Variants in CFAP77 observed in about 807,000 individuals in gnomAD.
The protein encoded by CFAP77 is cilia and flagella associated protein 77, also known as cilia- and flagella-associated protein 77.
In CFAP77, 25 loss-of-function variants were observed where a neutral mutation model predicts 31.1. The ratio of observed to expected loss-of-function variants is 0.80; its 90% CI spans 0.59 to 1.12. CFAP77 has a LOEUF of 1.12. CFAP77 is among the 50% of genes most tolerant of loss of function. The pLI is 0.00. For missense variants in CFAP77, 377 were observed against 397.3 expected, an observed-to-expected ratio of 0.95 and a Z score of 0.44; for synonymous variants, 151 against 159.9, an observed-to-expected ratio of 0.94 and a Z score of 0.42.
At chr9:132,534,744 C>G (rs541538186) in intron 3 of CFAP77, among the ~76,000 whole-genome samples, 1 of 152,292 alleles carries the variant, frequency 6.6e-6, no homozygotes, top group South Asian at 2.1e-4. Context: ...CCAGCAACCT[C>G]CAAACTGCAC....
intron 3 of CFAP77, among the ~76,000 whole-genome samples, chr9:132,522,041 C>T (rs543526266): frequency 6.6e-5 from 10 of 152,086 alleles, no homozygotes; most frequent in Non-Finnish European, 1.3e-4. Flanking sequence ...GGATTACAGG[C>T]GTGAGCCACT....
chr9:132,446,871 A>T (rs1332154998), intron 1 of CFAP77, among the ~76,000 whole-genome samples: 1 of 151,898 alleles, frequency 6.6e-6, no homozygotes, highest in Non-Finnish European at 1.5e-5. Context: ...GCCCTGTGAG[A>T]TAGGAATCAG....
chr9:132,572,810 C>T lies in CFAP77; in HGVS notation c.*300C>T, dbSNP rs865800480. The stretch of plus-strand genomic sequence containing the variant: ...CAAGCCCTCACCTGCCAAGACAAGC[C>T]CAAATTACAAGACAATTTTTTAGAC... On this transcript the variant is annotated 3_prime_UTR_variant, in exon 6 of 6. Coordinates refer to ENST00000393216, the MANE Select transcript of CFAP77 (RefSeq NM_001282957.2). 45 of 406,526 alleles carry T rather than the reference C, an allele frequency of 1.1e-4. 1 individual carries two copies. Among genetic ancestry groups the T allele is most frequent in the Middle Eastern group, 1.2e-3 (2 of 1,656 alleles). 25.2% of individuals were successfully genotyped at this position (406,526 alleles called of 1,614,324 possible). A position where few individuals can be genotyped will look rare whatever the true frequency, so the allele number is the denominator to read the frequency against.
At chr9:132,414,228 C>G (rs1850058872) in intron 1 of CFAP77, among the ~76,000 whole-genome samples, 1 of 152,212 alleles carries the variant, frequency 6.6e-6, no homozygotes, top group African/African-American at 2.4e-5. Context: ...GTGAGCTCTA[C>G]TGATTTCTTA....
At position 132,554,466 on chromosome 9, in the gene CFAP77, G is replaced by A. The variant is rs1326634806; in HGVS notation, c.732+11419G>A. ...ATCCCCCACCTCAGCCTCCCAAGTAGTTGGGACTACAGGTGCACACCACCA... is the reference window on the plus strand; with the variant it reads ...ATCCCCCACCTCAGCCTCCCAAGTAATTGGGACTACAGGTGCACACCACCA... On this transcript the variant is annotated intron_variant, in intron 5 of 5. Coordinates refer to ENST00000393216, the MANE Select transcript of CFAP77 (RefSeq NM_001282957.2). This position sits in a 1 kb window ranked among gnomAD's most constrained non-coding sequence, Gnocchi z 4.1. Among the ~76,000 whole-genome samples, 2 of 152,008 alleles carry A rather than the reference G, an allele frequency of 1.3e-5. No individual in the cohort carries two copies. Among genetic ancestry groups the A allele is most frequent in the East Asian group, 3.9e-4 (2 of 5,194 alleles).
rs573971774 is a variant in CFAP77 at position 132,465,537 on chromosome 9, C to T, written c.196-33158C>T. On this transcript the variant is annotated intron_variant, in intron 1 of 5. Coordinates refer to ENST00000393216, the MANE Select transcript of CFAP77 (RefSeq NM_001282957.2). ...CACGTGTGCAGGGGAAATGCCTGCACTTGTAGCCGTTGGTATGTGTGCCCA... is the reference window on the plus strand; with the variant it reads ...CACGTGTGCAGGGGAAATGCCTGCATTTGTAGCCGTTGGTATGTGTGCCCA... Among the ~76,000 whole-genome samples, 12 of 152,230 alleles carry T rather than the reference C, an allele frequency of 7.9e-5. No individual in the cohort carries two copies. The South Asian group carries it at 1.5e-3, about 18-fold the overall frequency.
intron 3 of CFAP77, among the ~76,000 whole-genome samples, chr9:132,500,195 C>G (rs479304): frequency 0.62 from 93,852 of 150,234 alleles, 30,447 homozygotes; most frequent in East Asian, 0.82. Context: ...CATGGAGTGA[C>G]AGATGGGAGA....
At chr9:132,546,104 A>G (rs757529575) in intron 5 of CFAP77, among the ~76,000 whole-genome samples, 4 of 152,204 alleles carry the variant, frequency 2.6e-5, no homozygotes, top group Non-Finnish European at 5.9e-5. Flanking sequence ...TGTGGAATGA[A>G]TGAATGAGGG....
intron 3 of CFAP77, among the ~76,000 whole-genome samples, chr9:132,533,423 A>G (rs1030310302): frequency 6.7e-6 from 1 of 149,556 alleles, no homozygotes; most frequent in Non-Finnish European, 1.5e-5. Flanking sequence ...GGCCAGAAGC[A>G]TGAAACAGGA....
chr9:132,418,663 A>G (rs760530429), intron 1 of CFAP77, among the ~76,000 whole-genome samples: 4 of 152,094 alleles, frequency 2.6e-5, no homozygotes, highest in African/African-American at 9.7e-5. Flanking sequence ...AGCCTCACCC[A>G]TGTTGTCGTT....
At chr9:132,468,377 A>G (rs1054536304) in intron 1 of CFAP77, among the ~76,000 whole-genome samples, 8 of 152,112 alleles carry the variant, frequency 5.3e-5, no homozygotes, top group Non-Finnish European at 1.0e-4. Flanking sequence ...AGAACCCTTC[A>G]AACAGGCCAC....
At chr9:132,437,255 T>C (rs1418945482) in intron 1 of CFAP77, among the ~76,000 whole-genome samples, 1 of 152,224 alleles carries the variant, frequency 6.6e-6, no homozygotes, top group African/African-American at 2.4e-5. Context: ...TTTATAACCT[T>C]ACTCTGCAAT....
At chr9:132,411,646 T>TGGACAGGCA (rs1243876269) in intron 1 of CFAP77, among the ~76,000 whole-genome samples, 12 of 152,054 alleles carry the variant, frequency 7.9e-5, no homozygotes, top group African/African-American at 2.9e-4. Context: ...CCACTCTGAG[T>TGGACAGGCA]GGACAGGCAG....
At chr9:132,473,190 G>A (rs546635) in intron 1 of CFAP77, among the ~76,000 whole-genome samples, 71,608 of 151,876 alleles carry the variant, frequency 0.47, 16,957 homozygotes, top group Admixed American at 0.55. Context: ...CCTAAGGGAC[G>A]CATTAATCTG....
intron 1 of CFAP77, among the ~76,000 whole-genome samples, chr9:132,482,980 C>T (rs1421992798): frequency 1.4e-5 from 2 of 145,152 alleles, no homozygotes; most frequent in Non-Finnish European, 3.0e-5. Context: ...AAAAAGAACG[C>T]ACCCTTCCAG....
intron 5 of CFAP77, among the ~76,000 whole-genome samples, chr9:132,544,732 G>A (rs7859389): frequency 0.041 from 6,237 of 152,154 alleles, 435 homozygotes; most frequent in African/African-American, 0.14. Flanking sequence ...TTGGCCTTAA[G>A]TGATCCTCCT....
Position 132,513,926 on chromosome 9 carries a change from T to C in CFAP77, c.524+14326T>C, listed in dbSNP as rs879903339. 3.0e-3 allele frequency among the ~76,000 whole-genome samples: 351 copies of C among 115,294 alleles called. 5 individuals carry two copies. Among genetic ancestry groups the C allele is most frequent in the African/African-American group, 3.7e-3 (116 of 31,000 alleles). The allele number at this position is 115,294 out of a possible 152,430, so 75.6% of individuals were successfully genotyped here. ...ACGGGTGACTGTGAGGAGATGACCC[T>C]TCCCCTGTACCCCTGACCACAGATG... is the stretch of plus-strand genomic sequence containing the variant. On this transcript the variant is annotated intron_variant, in intron 3 of 5. Transcript: ENST00000393216.
rs188692945 is a variant in CFAP77, at chr9:132,419,739, A to G, written c.195+9273A>G. Among the ~76,000 whole-genome samples, 136 of 152,286 alleles carry G rather than the reference A, an allele frequency of 8.9e-4. 1 individual carries two copies. The highest frequency in any genetic ancestry group is 1.2e-3 in the East Asian group (6 of 5,188). On this transcript the variant is annotated intron_variant, in intron 1 of 5. Transcript: ENST00000393216. ...CTAATGAACCCATCAGCCAAAGAGC[A>G]AATATTTATTGAACACCTACAATGT...
At chr9:132,486,566 AATAT>A (rs1389652432) in intron 1 of CFAP77, among the ~76,000 whole-genome samples, 1 of 152,190 alleles carries the variant, frequency 6.6e-6, no homozygotes, top group Non-Finnish European at 1.5e-5. Flanking sequence ...TCTTTAAAAA[AATAT>A]ATCCAATCAA....
Sources: allele counts gnomAD v4.1 joint callset (sites outside exome capture counted in the v4.1 genomes callset), GRCh38; gene constraint gnomAD v4.1.1; non-coding constraint Gnocchi (gnomAD v3.1); transcripts MANE v1.5; gene names NCBI Gene and HGNC (gene_info 2026-07-23, HGNC 2026-07-21).